Variants in SCLT1 observed in about 807,000 individuals in gnomAD.
SCLT1 encodes sodium channel and clathrin linker 1, also known as sodium channel-associated protein 1.
In SCLT1, 78 loss-of-function variants were observed where a neutral mutation model predicts 112.8. That is an observed-to-expected ratio of 0.69 (90% confidence interval 0.58 to 0.83). The LOEUF is 0.83. SCLT1 is among the 40% of genes least tolerant of loss of function. The pLI is 0.00. For synonymous variants in SCLT1, 257 were observed against 254.7 expected, an observed-to-expected ratio of 1.01 and a Z score of -0.09; for missense variants, 747 against 770.4, an observed-to-expected ratio of 0.97 and a Z score of 0.36.
chr4:128,959,366 T>A (rs1739487969), intron 12 of SCLT1, among the ~76,000 whole-genome samples: 1 of 152,018 alleles, frequency 6.6e-6, no homozygotes, highest in African/African-American at 2.4e-5. Flanking sequence ...TTACGCAGCA[T>A]CTGGGAGAAT....
chr4:128,982,732 C>A (rs1008474734), intron 9 of SCLT1, among the ~76,000 whole-genome samples: 6 of 152,118 alleles, frequency 3.9e-5, no homozygotes, highest in Non-Finnish European at 8.8e-5. Context: ...AAACTCCTGA[C>A]CTCAGGTGAT....
At chr4:128,886,724 C>T (rs573055183) in intron 20 of SCLT1, among the ~76,000 whole-genome samples, 7 of 152,008 alleles carry the variant, frequency 4.6e-5, no homozygotes, top group Non-Finnish European at 4.4e-5. Flanking sequence ...GTCAAAAGAA[C>T]GGTGGAATCT....
At position 128,920,189 on chromosome 4, in the gene SCLT1, C is replaced by T. The variant is rs537821617; in HGVS notation, c.1829+16466G>A. Among the ~76,000 whole-genome samples, 15 of 152,266 alleles carry T rather than the reference C, an allele frequency of 9.9e-5. No homozygotes were observed. The South Asian group carries it at 1.7e-3, about 17-fold the overall frequency. ...TGAATCCAGCAGCACATCAAAAAGA[C>T]GATCCGCCACAATCAAGTAAGCTTT... On this transcript the variant is annotated intron_variant, in intron 18 of 20. Coordinates refer to ENST00000281142, the MANE Select transcript of SCLT1 (RefSeq NM_144643.4).
intron 2 of SCLT1, among the ~76,000 whole-genome samples, chr4:129,053,285 G>A (rs1271003048): frequency 4.6e-5 from 7 of 152,066 alleles, no homozygotes; most frequent in Admixed American, 4.6e-4. Flanking sequence ...GGATATTCTT[G>A]TTAATTTTCT....
intron 16 of SCLT1, among the ~76,000 whole-genome samples, chr4:128,943,663 C>T (rs1240816688): frequency 1.3e-5 from 2 of 152,024 alleles, no homozygotes; most frequent in East Asian, 1.9e-4. Context: ...TTTTTATAAA[C>T]TTCTAGTTCT....
Position 129,043,479 on chromosome 4 carries a change from C to T in SCLT1, c.162-12G>A. 7.8e-7 allele frequency: 1 copy of T among 1,282,144 alleles called. No homozygotes were observed. The highest frequency in any genetic ancestry group is 1.1e-6 in the Non-Finnish European group (1 of 898,624). 79.4% of individuals were successfully genotyped at this position (1,282,144 alleles called of 1,614,324 possible). On this transcript the variant is annotated splice_polypyrimidine_tract_variant and intron_variant, in intron 3 of 20. Transcript: ENST00000281142. ...GAGGAGCTAAAAAGCTAAAAAAAGA[C>T]AATAAAAATATAGCATATTCTGTTC...
At chr4:128,997,787 G>C in intron 8 of SCLT1, 87 bp downstream of exon 8, 1 of 616,016 alleles carries the variant, frequency 1.6e-6, no homozygotes, top group Non-Finnish European at 2.7e-6. Flanking sequence ...ATTTCGTGCA[G>C]CATGCTTATT....
At chr4:128,899,938 G>T (rs1224981799) in intron 18 of SCLT1, among the ~76,000 whole-genome samples, 1 of 152,070 alleles carries the variant, frequency 6.6e-6, no homozygotes, top group Non-Finnish European at 1.5e-5. Context: ...GCTTCAAAGA[G>T]AATAAAATAC....
At chr4:128,955,268 T>G (rs1238537796) in intron 13 of SCLT1, among the ~76,000 whole-genome samples, 1 of 152,246 alleles carries the variant, frequency 6.6e-6, no homozygotes, top group South Asian at 2.1e-4. Context: ...TCTCTCATCC[T>G]AACCTCACTT....
chr4:129,081,926 T>C (rs1260053432), intron 2 of SCLT1, among the ~76,000 whole-genome samples: 2 of 152,150 alleles, frequency 1.3e-5, no homozygotes, highest in African/African-American at 2.4e-5. Flanking sequence ...TAAGAAGATA[T>C]GACAACCAAG....
intron 13 of SCLT1, among the ~76,000 whole-genome samples, chr4:128,955,823 TA>T (rs1739171705): frequency 6.6e-6 from 1 of 152,154 alleles, no homozygotes; most frequent in Admixed American, 6.6e-5. Flanking sequence ...AAAGTTTACT[TA>T]AAAAAATCAA....
At chr4:128,901,361 G>C (rs1384931515) in intron 18 of SCLT1, among the ~76,000 whole-genome samples, 1 of 152,186 alleles carries the variant, frequency 6.6e-6, no homozygotes, top group African/African-American at 2.4e-5. Context: ...ATGAGTTCAT[G>C]TCCTTTGTAG....
At chr4:129,054,481 T>C (rs891865035) in intron 2 of SCLT1, among the ~76,000 whole-genome samples, 4 of 152,064 alleles carry the variant, frequency 2.6e-5, no homozygotes, top group Non-Finnish European at 2.9e-5. Context: ...CTTGTCTCTA[T>C]GCCTTATTTC....
chr4:128,963,386 C>A (rs1442814837), intron 11 of SCLT1, among the ~76,000 whole-genome samples: 1 of 152,132 alleles, frequency 6.6e-6, no homozygotes, highest in Non-Finnish European at 1.5e-5. Context: ...AATCAGATAT[C>A]ACCAGATACT....
At chr4:128,911,118 T>A (rs1320905270) in intron 18 of SCLT1, among the ~76,000 whole-genome samples, 1 of 152,048 alleles carries the variant, frequency 6.6e-6, no homozygotes. Context: ...ACAAAAAAAT[T>A]AGCTGGGTCT....
intron 2 of SCLT1, among the ~76,000 whole-genome samples, chr4:129,063,412 C>T (rs1750171878): frequency 6.6e-6 from 1 of 152,168 alleles, no homozygotes; most frequent in African/African-American, 2.4e-5. Context: ...CTTTGGATCC[C>T]ATTAAACTAG....
At chr4:128,877,465 A>T (rs1054148364) in intron 3 of SCLT1, among the ~76,000 whole-genome samples, 1 of 152,166 alleles carries the variant, frequency 6.6e-6, no homozygotes, top group Non-Finnish European at 1.5e-5. Context: ...GCAGATCACG[A>T]GGTCAGTAGT....
At chr4:128,902,016 A>G (rs1177151031) in intron 18 of SCLT1, among the ~76,000 whole-genome samples, 1 of 152,070 alleles carries the variant, frequency 6.6e-6, no homozygotes, top group Non-Finnish European at 1.5e-5. Context: ...TTCTAGGCTC[A>G]AGTGATCCTC....
At chr4:128,963,432 C>T (rs911624280) in intron 11 of SCLT1, among the ~76,000 whole-genome samples, 4 of 152,082 alleles carry the variant, frequency 2.6e-5, no homozygotes, top group African/African-American at 9.7e-5. Flanking sequence ...AAAACACTGG[C>T]TGGTACAACA....
Sources: allele counts gnomAD v4.1 joint callset (sites outside exome capture counted in the v4.1 genomes callset), GRCh38; gene constraint gnomAD v4.1.1; transcripts MANE v1.5; gene names NCBI Gene and HGNC (gene_info 2026-07-23, HGNC 2026-07-21).